NGF: variants seen among roughly 807,000 people sequenced by gnomAD.
The protein encoded by NGF is nerve growth factor, also known as beta-nerve growth factor.
Under a neutral mutation model 12.8 loss-of-function variants are expected in NGF, and 4 were observed. The ratio of observed to expected loss-of-function variants is 0.31; its 90% confidence interval spans 0.15 to 0.72. The LOEUF (loss-of-function observed/expected upper bound fraction) is 0.72. Among genes scored for constraint, NGF ranks in the 30% least tolerant of loss-of-function variants. The probability of loss-of-function intolerance (pLI) is 0.69; values close to 1 mark genes in which losing one functional copy is unlikely to be tolerated. For missense variants in NGF, 283 were observed against 330.8 expected, an observed-to-expected ratio of 0.86 and a Z score of 1.12; for synonymous variants, 140 against 130.0, an observed-to-expected ratio of 1.08 and a Z score of -0.52.
At chr1:115,335,276 A>C (rs964635734) in intron 1 of NGF, among the ~76,000 whole-genome samples, 3 of 152,208 alleles carry the variant, frequency 2.0e-5, no homozygotes, top group African/African-American at 7.2e-5. Flanking sequence ...TATCAGCCTC[A>C]GGATCATCCT....
At chr1:115,319,442 T>TAC (rs1654557481) in intron 1 of NGF, among the ~76,000 whole-genome samples, 1 of 152,154 alleles carries the variant, frequency 6.6e-6, no homozygotes, top group Admixed American at 6.6e-5. Flanking sequence ...TACACACCTG[T>TAC]ACACACACAG....
intron 1 of NGF, among the ~76,000 whole-genome samples, chr1:115,312,002 T>C (rs1654346307): frequency 6.6e-6 from 1 of 152,234 alleles, no homozygotes; most frequent in African/African-American, 2.4e-5. Context: ...GATTCCCATA[T>C]GTAAAATCAG....
At chr1:115,316,801 C>G (rs1156359636) in intron 1 of NGF, among the ~76,000 whole-genome samples, 1 of 152,032 alleles carries the variant, frequency 6.6e-6, no homozygotes, top group Non-Finnish European at 1.5e-5. Context: ...AGGGATATTG[C>G]ATATTAAAAA....
chr1:115,291,550 C>T (rs984882567), intron 2 of NGF, among the ~76,000 whole-genome samples: 1 of 152,200 alleles, frequency 6.6e-6, no homozygotes, highest in African/African-American at 2.4e-5. Context: ...AATTGTCCTA[C>T]TCCTACCTAG....
At chr1:115,291,867 G>A (rs1353097257) in intron 2 of NGF, among the ~76,000 whole-genome samples, 1 of 152,192 alleles carries the variant, frequency 6.6e-6, no homozygotes, top group Non-Finnish European at 1.5e-5. Flanking sequence ...GAGATGTGTT[G>A]TAGAAGGGAG....
At chr1:115,305,540 G>C (rs536364188) in intron 1 of NGF, among the ~76,000 whole-genome samples, 1 of 152,200 alleles carries the variant, frequency 6.6e-6, no homozygotes, top group Non-Finnish European at 1.5e-5. Context: ...CATCTTCTAT[G>C]CTTGAACATA....
At chr1:115,332,880 A>G (rs562479230) in intron 1 of NGF, among the ~76,000 whole-genome samples, 1 of 152,192 alleles carries the variant, frequency 6.6e-6, no homozygotes, top group African/African-American at 2.4e-5. Context: ...CCCACTTGGC[A>G]TCACTCATAC....
chr1:115,337,657 G>C (rs1278665331), intron 1 of NGF, among the ~76,000 whole-genome samples: 1 of 152,068 alleles, frequency 6.6e-6, no homozygotes, highest in African/African-American at 2.4e-5. Context: ...CTTCCGAGAC[G>C]CGCTGAGGGA....
chr1:115,324,132 C>T (rs1654704202), intron 1 of NGF, among the ~76,000 whole-genome samples: 1 of 152,150 alleles, frequency 6.6e-6, no homozygotes, highest in African/African-American at 2.4e-5. Flanking sequence ...CATCACCTGG[C>T]ATTGCTAAGC....
In NGF at chr1:115,336,780, G is replaced by C. The variant is rs570599323; in HGVS notation, c.-137+1424C>G. Reference sequence around the variant, plus strand: ...TCCCTTCCAGCAGACTTAACTGACGGCTTCAAGAGTTTGAGGACCCTGGAG... The same window carrying C: ...TCCCTTCCAGCAGACTTAACTGACGCCTTCAAGAGTTTGAGGACCCTGGAG... On this transcript the variant is annotated intron_variant, in intron 1 of 2. Transcript: ENST00000369512. Among the ~76,000 whole-genome samples, 7 of 152,298 alleles carry C rather than the reference G, an allele frequency of 4.6e-5. No individual in the cohort carries two copies. In the East Asian group the frequency reaches 1.2e-3, roughly 25 times the overall value.
intron 1 of NGF, among the ~76,000 whole-genome samples, chr1:115,326,814 G>C (rs895129984): frequency 1.8e-4 from 28 of 152,140 alleles, no homozygotes; most frequent in African/African-American, 6.5e-4. Context: ...TCCTGGTCCA[G>C]GTTTTCCCAT....
intron 1 of NGF, among the ~76,000 whole-genome samples, chr1:115,316,620 T>C (rs1348720556): frequency 1.1e-4 from 16 of 152,196 alleles, no homozygotes; most frequent in Admixed American, 1.0e-3. Context: ...CATGTTTGCT[T>C]ATGTAAATAT....
intron 1 of NGF, among the ~76,000 whole-genome samples, chr1:115,315,040 G>A (rs1332818666): frequency 6.6e-6 from 1 of 152,212 alleles, no homozygotes; most frequent in African/African-American, 2.4e-5. Context: ...GATGGCCAGT[G>A]TGAGGTCCTG....
intron 2 of NGF, among the ~76,000 whole-genome samples, chr1:115,287,524 C>T (rs1293332436): frequency 6.6e-6 from 1 of 152,152 alleles, no homozygotes; most frequent in Non-Finnish European, 1.5e-5. Flanking sequence ...AATGTGTTCA[C>T]TTCTATCTTC....
At chr1:115,286,973 G>A (rs1006468896) in intron 2 of NGF, among the ~76,000 whole-genome samples, 166 bp from the exon 3 acceptor site, 1 of 152,174 alleles carries the variant, frequency 6.6e-6, no homozygotes, top group African/African-American at 2.4e-5. Context: ...GTTATACCGG[G>A]ACAACAGGCG....
chr1:115,297,735 C>T (rs539010406), intron 1 of NGF, among the ~76,000 whole-genome samples: 1 of 152,332 alleles, frequency 6.6e-6, no homozygotes, highest in South Asian at 2.1e-4. Flanking sequence ...TTCTGTCTAC[C>T]TCACTGGCTC....
intron 1 of NGF, among the ~76,000 whole-genome samples, chr1:115,313,298 C>G (rs1411454105): frequency 1.3e-5 from 2 of 152,152 alleles, no homozygotes; most frequent in African/African-American, 4.8e-5. Context: ...TTGGAGTTGT[C>G]TTTTCTTAAT....
chr1:115,314,169 G>T (rs893851332), intron 1 of NGF, among the ~76,000 whole-genome samples: 9 of 152,170 alleles, frequency 5.9e-5, no homozygotes, highest in Admixed American at 5.9e-4. Context: ...CTGACTTGCT[G>T]TAGTTTGTCT....
At chr1:115,306,505 T>C (rs923533788) in intron 1 of NGF, among the ~76,000 whole-genome samples, 1 of 152,218 alleles carries the variant, frequency 6.6e-6, no homozygotes, top group African/African-American at 2.4e-5. Context: ...TTTTAGCAGG[T>C]GAAATGGTCT....
Sources: gnomAD v4.1 joint callset for allele counts (sites outside exome capture counted in the v4.1 genomes callset) on GRCh38, gnomAD v4.1.1 for gene constraint, MANE v1.5 for transcripts, NCBI Gene and HGNC (gene_info 2026-07-23, HGNC 2026-07-21) for gene names.